The following SOX5 variants were observed in gnomAD, a reference collection of about 807,000 sequenced individuals.
The protein encoded by SOX5 is SRY-box transcription factor 5.
A neutral mutation model predicts 92.0 loss-of-function variants in SOX5; 9 were observed. The observed-to-expected ratio is 0.10, with a 90% CI of 0.06 to 0.17. SOX5 has a LOEUF of 0.17. SOX5 is among the 10% of genes least tolerant of loss of function. The probability of loss-of-function intolerance (pLI) is 1.00; values close to 1 mark genes in which losing one functional copy is unlikely to be tolerated. For synonymous variants in SOX5, 344 were observed against 336.3 expected (o/e 1.02, Z -0.25); for missense variants, 642 against 944.5 (o/e 0.68, Z 4.20).
chr12:23,619,686 G>C (rs1028796420), intron 8 of SOX5, among the ~76,000 whole-genome samples: 3 of 152,126 alleles, frequency 2.0e-5, no homozygotes, highest in African/African-American at 7.2e-5. Context: ...AGAAAGAAAT[G>C]TGAAGTGTCC....
chr12:24,562,533 G>A, upstream of SOX5: 1 of 153,862 alleles, frequency 6.5e-6, no homozygotes, highest in Non-Finnish European at 1.4e-5. Context: ...CCCGTCTCTC[G>A]CTCGCCCGCT....
At chr12:23,589,104 C>T (rs2137074804) in intron 9 of SOX5, among the ~76,000 whole-genome samples, 1 of 149,832 alleles carries the variant, frequency 6.7e-6, no homozygotes, top group Non-Finnish European at 1.5e-5. Context: ...TGTGACTATG[C>T]ATACATATAA....
chr12:24,185,574 C>G (rs1955932413), intron 4 of SOX5, among the ~76,000 whole-genome samples: 1 of 152,124 alleles, frequency 6.6e-6, no homozygotes, highest in South Asian at 2.1e-4. Context: ...ATCATCTTGA[C>G]AATGAGGGCA....
At chr12:24,474,576 C>T (rs2060970296) in intron 1 of SOX5, among the ~76,000 whole-genome samples, 1 of 152,116 alleles carries the variant, frequency 6.6e-6, no homozygotes, top group South Asian at 2.1e-4. Flanking sequence ...AGCTCTGTCA[C>T]CCAGGCTGGA....
intron 1 of SOX5, among the ~76,000 whole-genome samples, chr12:23,946,699 C>T (rs1224331305): frequency 6.6e-6 from 1 of 151,854 alleles, no homozygotes; most frequent in African/African-American, 2.4e-5. Flanking sequence ...GACCATGTTG[C>T]CAGCTATGTT....
chr12:24,526,567 C>T (rs1318969717), intron 1 of SOX5, among the ~76,000 whole-genome samples: 3 of 152,106 alleles, frequency 2.0e-5, no homozygotes, highest in African/African-American at 7.2e-5. Context: ...AACAAGATCA[C>T]GAGCTGAGAA....
At chr12:24,416,603 G>GA (rs1358949802) in intron 1 of SOX5, among the ~76,000 whole-genome samples, 3 of 152,144 alleles carry the variant, frequency 2.0e-5, no homozygotes, top group African/African-American at 4.8e-5. Context: ...TGATTTGGTA[G>GA]AAAAAATGAG....
rs369077624 is a variant in SOX5 at position 23,716,247 on chromosome 12, G to A, written c.810+18437C>T. ...TCAAAATTAATTCAGAGATGAAGTCGGTAAAGATACTGAAAGCTAGCATTC... is the reference window on the plus strand; with the variant it reads ...TCAAAATTAATTCAGAGATGAAGTCAGTAAAGATACTGAAAGCTAGCATTC... On this transcript the variant is annotated intron_variant, in intron 6 of 14. Coordinates refer to ENST00000451604, the MANE Select transcript of SOX5 (RefSeq NM_006940.6). Among the ~76,000 whole-genome samples the A allele has an allele frequency of 2.0e-4, 31 of 152,130 alleles. No homozygotes were observed. In the East Asian group the frequency reaches 2.7e-3, roughly 13 times the overall value.
intron 6 of SOX5, among the ~76,000 whole-genome samples, chr12:23,688,153 T>C (rs2087995986): frequency 6.6e-6 from 1 of 152,060 alleles, no homozygotes; most frequent in African/African-American, 2.4e-5. Context: ...CTTGGGGCTG[T>C]GAAATAGAAT....
At chr12:24,531,919 C>T (rs1001994110) in intron 1 of SOX5, among the ~76,000 whole-genome samples, 1 of 152,294 alleles carries the variant, frequency 6.6e-6, no homozygotes, top group Non-Finnish European at 1.5e-5. Flanking sequence ...TTTCAGTCGT[C>T]GGACCTCAAG....
Position 23,949,603 on chromosome 12 carries a change from C to G in SOX5, c.-2G>C. 3.7e-6 allele frequency: 6 copies of G among 1,613,708 alleles called. No homozygotes were observed. The highest frequency in any genetic ancestry group is 5.1e-6 in the Non-Finnish European group (6 of 1,179,656). ...AGGTAAATCAGGGTCAGTAAGCATG[C>G]TGGAAAAGCACAATTTCCCTTTGTC... On this transcript the variant is annotated 5_prime_UTR_variant, in exon 1 of 15. Transcript: ENST00000451604.
intron 3 of SOX5, among the ~76,000 whole-genome samples, chr12:23,839,861 C>T (rs4963719): frequency 0.078 from 11,871 of 151,314 alleles, 642 homozygotes; most frequent in South Asian, 0.16. Context: ...AATCCCGCAG[C>T]TAACATCATA....
intron 9 of SOX5, among the ~76,000 whole-genome samples, chr12:23,602,213 C>T (rs1277279064): frequency 6.6e-6 from 1 of 152,086 alleles, no homozygotes; most frequent in Non-Finnish European, 1.5e-5. Flanking sequence ...TATATAACAC[C>T]ACAGGATGTG....
At chr12:24,420,918 T>G (rs982027873) in intron 1 of SOX5, among the ~76,000 whole-genome samples, 1 of 152,130 alleles carries the variant, frequency 6.6e-6, no homozygotes, top group Non-Finnish European at 1.5e-5. Flanking sequence ...AACCACACCA[T>G]GAGTATGCCA....
At position 24,381,007 on chromosome 12, in the gene SOX5, A is replaced by C. The variant is rs1377408657; in HGVS notation, c.-250-12368T>G. ...GCAACAAATTAAGTGCAGACTTTGC[A>C]CTACTGTAATCCTTACTTGAGGGGC... On this transcript the variant is annotated intron_variant, in intron 1 of 4. Coordinates refer to the SOX5 transcript ENST00000446891. Among the ~76,000 whole-genome samples the C allele has an allele frequency of 2.0e-5, 3 of 152,250 alleles. No individual in the cohort carries two copies. In the East Asian group the frequency reaches 5.8e-4, roughly 29 times the overall value.
rs188712140 is a variant in SOX5 at position 23,691,403 on chromosome 12, T to C, written c.811-25839A>G. 2.5e-3 allele frequency among the ~76,000 whole-genome samples: 381 copies of C among 152,316 alleles called. 2 individuals are homozygous for C. The highest frequency in any genetic ancestry group is 4.2e-3 in the Non-Finnish European group (285 of 68,010). On this transcript the variant is annotated intron_variant, in intron 6 of 14. Coordinates refer to ENST00000451604, the MANE Select transcript of SOX5 (RefSeq NM_006940.6). Reference sequence around the variant, plus strand: ...GTTAATTCACAGAATAAATTAGAAGTTATTCTCTCTTTTCCTACTATCTGG... The same window carrying C: ...GTTAATTCACAGAATAAATTAGAAGCTATTCTCTCTTTTCCTACTATCTGG...
At chr12:24,406,946 A>G (rs965272355) in intron 1 of SOX5, among the ~76,000 whole-genome samples, 18 of 152,190 alleles carry the variant, frequency 1.2e-4, no homozygotes, top group African/African-American at 4.3e-4. Context: ...GACAGGGGTG[A>G]TGGGCAAAAG....
intron 1 of SOX5, among the ~76,000 whole-genome samples, chr12:24,380,202 A>C (rs1957688366): frequency 6.6e-6 from 1 of 152,224 alleles, no homozygotes; most frequent in South Asian, 2.1e-4. Flanking sequence ...ATAGGGGCAA[A>C]GTTGGTATCC....
chr12:23,538,727 A>G (rs17381443), intron 13 of SOX5, among the ~76,000 whole-genome samples: 12,271 of 152,170 alleles, frequency 0.081, 693 homozygotes, highest in South Asian at 0.16. Flanking sequence ...TAAATGGATC[A>G]AGGATGGTTG....
Sources: gnomAD v4.1 joint callset for allele counts (sites outside exome capture counted in the v4.1 genomes callset) on GRCh38, gnomAD v4.1.1 for gene constraint, MANE v1.5 for transcripts, NCBI Gene and HGNC (gene_info 2026-07-23, HGNC 2026-07-21) for gene names.